The following FIGN variants were observed in gnomAD, a reference collection of about 807,000 sequenced individuals.
FIGN encodes fidgetin.
A neutral mutation model predicts 51.3 loss-of-function variants in FIGN; 11 were observed. The ratio of observed to expected loss-of-function variants is 0.21; its 90% CI spans 0.13 to 0.35. FIGN has a LOEUF of 0.35. Among genes scored for constraint, FIGN ranks in the 10% least tolerant of loss-of-function variants. The pLI is 1.00. For missense variants in FIGN, 857 were observed against 943.6 expected (o/e 0.91, Z 1.20); for synonymous variants, 407 against 363.2 (o/e 1.12, Z -1.37).
intron 2 of FIGN, among the ~76,000 whole-genome samples, chr2:163,660,434 G>A (rs1185530845): frequency 6.6e-6 from 1 of 151,860 alleles, no homozygotes; most frequent in Non-Finnish European, 1.5e-5. Flanking sequence ...AATCACTACA[G>A]CATAGAAATA....
In FIGN at chr2:163,609,287, T is replaced by C. The variant is rs1008077510; in HGVS notation, c.*265A>G. The C allele has an allele frequency of 4.6e-6, 2 of 431,262 alleles. No homozygotes were observed. Among genetic ancestry groups the C allele is most frequent in the African/African-American group, 4.0e-5 (2 of 50,224 alleles). The allele number at this position is 431,262 out of a possible 1,614,324, so 26.7% of individuals were successfully genotyped here. On this transcript the variant is annotated 3_prime_UTR_variant, in exon 3 of 3. Transcript: ENST00000333129. ...CTTCTGAAATCAACACACTTGCACC[T>C]TGCTCCTTGGTGAGTGTTGTCTAGC... is the stretch of plus-strand genomic sequence containing the variant.
chr2:163,695,085 G>A (rs1313575465), intron 2 of FIGN, among the ~76,000 whole-genome samples: 1 of 151,888 alleles, frequency 6.6e-6, no homozygotes, highest in South Asian at 2.1e-4. Flanking sequence ...TGTCTCTTCT[G>A]ACATTAACTG....
At chr2:163,669,828 C>A (rs1225820107) in intron 2 of FIGN, among the ~76,000 whole-genome samples, 1 of 152,084 alleles carries the variant, frequency 6.6e-6, no homozygotes, top group African/African-American at 2.4e-5. Flanking sequence ...TCTTTATTCT[C>A]TTCTAATTGC....
At chr2:163,631,815 A>G (rs1274260660) in intron 2 of FIGN, among the ~76,000 whole-genome samples, 1 of 152,198 alleles carries the variant, frequency 6.6e-6, no homozygotes, top group Non-Finnish European at 1.5e-5. Context: ...ACTTGGTGCT[A>G]TATGTATCAT....
intron 2 of FIGN, among the ~76,000 whole-genome samples, chr2:163,709,258 T>C (rs909002183): frequency 6.6e-6 from 1 of 152,154 alleles, no homozygotes; most frequent in African/African-American, 2.4e-5. Context: ...GTGGAAGCCT[T>C]TCTAAAAAGT....
chr2:163,675,706 CTTTTTTTTT>C (rs900840520), intron 2 of FIGN, among the ~76,000 whole-genome samples: 2 of 100,494 alleles, frequency 2.0e-5, no homozygotes. Flanking sequence ...TTCTTTCTTT[CTTTTTTTTT>C]TTTTTTTTTT....
chr2:163,730,490 C>T (rs1684909908), intron 2 of FIGN, among the ~76,000 whole-genome samples: 1 of 148,114 alleles, frequency 6.8e-6, no homozygotes, highest in African/African-American at 2.6e-5. Context: ...CAATCTCTCT[C>T]TCTTGCTCCG....
chr2:163,666,502 C>T (rs570658747), intron 2 of FIGN, among the ~76,000 whole-genome samples: 2 of 152,206 alleles, frequency 1.3e-5, no homozygotes, highest in East Asian at 3.9e-4. Context: ...TTCTAGGCTC[C>T]AATGCTTATT....
intron 2 of FIGN, among the ~76,000 whole-genome samples, chr2:163,630,179 T>G (rs1683124138): frequency 6.6e-6 from 1 of 151,624 alleles, no homozygotes; most frequent in Non-Finnish European, 1.5e-5. Context: ...TTGCCCAGAT[T>G]GGTCTCAATC....
intron 2 of FIGN, among the ~76,000 whole-genome samples, chr2:163,711,135 C>G (rs1319607711): frequency 6.6e-6 from 1 of 152,176 alleles, no homozygotes; most frequent in African/African-American, 2.4e-5. Flanking sequence ...AAGACGCTTG[C>G]AGCTTCTCAA....
rs979888722 is a variant in FIGN, at chr2:163,725,391, T to G, written c.25+9512A>C. On this transcript the variant is annotated intron_variant, in intron 2 of 2. Transcript: ENST00000333129. ...CAAAATAGCAGAAAACATTTTCCCC[T>G]TAGCCCTAAGCAAAGGACACCAACA... 5.3e-5 allele frequency among the ~76,000 whole-genome samples: 8 copies of G among 152,088 alleles called. No individual in the cohort carries two copies. The East Asian group carries it at 1.5e-3, about 29-fold the overall frequency.
At chr2:163,733,805 A>G (rs2105370930) in intron 2 of FIGN, among the ~76,000 whole-genome samples, 1 of 152,276 alleles carries the variant, frequency 6.6e-6, no homozygotes, top group Non-Finnish European at 1.5e-5. Context: ...TTGTGTTAGG[A>G]GAGAGCAGTG....
chr2:163,679,838 TA>T (rs962890555), intron 2 of FIGN, among the ~76,000 whole-genome samples: 124 of 152,202 alleles, frequency 8.1e-4, no homozygotes, highest in Non-Finnish European at 1.5e-3. Flanking sequence ...TAACTTATCT[TA>T]AAAAAAATCA....
intron 2 of FIGN, among the ~76,000 whole-genome samples, chr2:163,620,851 T>TTGTGTGTGTGTGTGTG (rs71015594): frequency 1.3e-4 from 19 of 147,596 alleles, no homozygotes; most frequent in Non-Finnish European, 2.2e-4. Flanking sequence ...GTGTAAATAT[T>TTGTGTGTGTGTGTGTG]TGTGTGTGTG....
chr2:163,688,525 A>G (rs1684189561), intron 2 of FIGN, among the ~76,000 whole-genome samples: 1 of 152,222 alleles, frequency 6.6e-6, no homozygotes, highest in African/African-American at 2.4e-5. Flanking sequence ...ATGTGTGTAC[A>G]GTATATCTAT....
intron 2 of FIGN, among the ~76,000 whole-genome samples, chr2:163,717,269 A>G (rs1198188346): frequency 6.6e-6 from 1 of 152,182 alleles, no homozygotes; most frequent in Non-Finnish European, 1.5e-5. Flanking sequence ...TGGTTAAGAA[A>G]TGTGAATGTG....
At chr2:163,617,118 T>C in intron 2 of FIGN, 1 of 985,274 alleles carries the variant, frequency 1.0e-6, no homozygotes, top group Non-Finnish European at 1.2e-6. Flanking sequence ...TACTAACTCA[T>C]TTGATCTGGA....
In FIGN at chr2:163,608,556, A is replaced by C. The variant is rs1691161740; in HGVS notation, c.*996T>G. On this transcript the variant is annotated 3_prime_UTR_variant, in exon 3 of 3. Transcript: ENST00000333129. ...CAGGTCTAGACACTAACACAAACTGAATAAGTAGCTTTCAATTAACCAGTG... is the reference window on the plus strand; with the variant it reads ...CAGGTCTAGACACTAACACAAACTGCATAAGTAGCTTTCAATTAACCAGTG... 1 of 152,426 alleles carries C rather than the reference A, an allele frequency of 6.6e-6. No individual in the cohort carries two copies. The highest frequency in any genetic ancestry group is 1.9e-4 in the East Asian group (1 of 5,200). 9.4% of individuals were successfully genotyped at this position (152,426 alleles called of 1,614,324 possible). A position where few individuals can be genotyped will look rare whatever the true frequency, so the allele number is the denominator to read the frequency against.
rs1030239179 is a variant in FIGN at position 163,610,707 on chromosome 2, T to A, written c.1125A>T (p.Ala375=). The A allele has an allele frequency of 3.1e-6, 5 of 1,614,202 alleles. No homozygotes were observed. Among genetic ancestry groups the A allele is most frequent in the Non-Finnish European group, 4.2e-6 (5 of 1,180,022 alleles). ...ACATTAGCTGCTTCGTTGGCTTAAA[T>A]GCTAAGGATGATGTTTCAGCACTTC... ...FDRSAETSSL[A]FKPTKQLMSS... Residue 375 remains alanine, a synonymous_variant, in exon 3 of 3, where the codon GCA becomes GCT. Transcript: ENST00000333129.
Sources: gnomAD v4.1 joint callset for allele counts (sites outside exome capture counted in the v4.1 genomes callset) on GRCh38, gnomAD v4.1.1 for gene constraint, MANE v1.5 for transcripts, NCBI Gene and HGNC (gene_info 2026-07-23, HGNC 2026-07-21) for gene names.